The following DLG2 variants were observed in gnomAD, a reference collection of about 807,000 sequenced individuals.
DLG2 encodes disks large homolog 2.
DLG2 carries 45 observed loss-of-function variants against 132.5 expected under a neutral mutation model. That is an observed-to-expected ratio of 0.34 (90% CI 0.27 to 0.44). DLG2 has a LOEUF of 0.44. Among genes scored for constraint, DLG2 ranks in the 20% least tolerant of loss-of-function variants. The pLI, the probability that DLG2 is intolerant of heterozygous loss-of-function variation, is 1.00. For missense variants in DLG2, 1,045 were observed against 1,196.9 expected (o/e 0.87, Z 1.87); for synonymous variants, 424 against 419.6 (o/e 1.01, Z -0.13).
intron 3 of DLG2, among the ~76,000 whole-genome samples, chr11:85,464,007 C>CACACACACAT (rs1555141444): frequency 4.2e-4 from 63 of 149,136 alleles, no homozygotes; most frequent in African/African-American, 1.5e-3. Flanking sequence ...CACACACATA[C>CACACACACAT]ACACACACAC....
chr11:84,981,668 T>C (rs1457859788), intron 6 of DLG2, among the ~76,000 whole-genome samples: 1 of 152,130 alleles, frequency 6.6e-6, no homozygotes, highest in Non-Finnish European at 1.5e-5. Flanking sequence ...CATTTTAACA[T>C]GTATAAGCCT....
At chr11:84,353,063 T>C (rs2098589569) in intron 7 of DLG2, among the ~76,000 whole-genome samples, 1 of 152,174 alleles carries the variant, frequency 6.6e-6, no homozygotes, top group Non-Finnish European at 1.5e-5. Context: ...ACTTTCAATA[T>C]ATTTTCTCTC....
intron 4 of DLG2, among the ~76,000 whole-genome samples, chr11:85,181,714 T>C (rs975103969): frequency 6.6e-6 from 1 of 151,856 alleles, no homozygotes; most frequent in Non-Finnish European, 1.5e-5. Flanking sequence ...GCACAGCCAC[T>C]TTCTACATGA....
At chr11:83,996,618 A>G (rs1186983596) in intron 11 of DLG2, among the ~76,000 whole-genome samples, 2 of 152,212 alleles carry the variant, frequency 1.3e-5, no homozygotes, top group South Asian at 2.1e-4. Context: ...CACATACACA[A>G]TGGAGAACTA....
At chr11:84,814,280 T>A (rs543288468) in intron 6 of DLG2, among the ~76,000 whole-genome samples, 1 of 152,072 alleles carries the variant, frequency 6.6e-6, no homozygotes, top group African/African-American at 2.4e-5. Context: ...GTGTAACTGG[T>A]ATGCAATGGA....
intron 6 of DLG2, among the ~76,000 whole-genome samples, chr11:85,008,880 A>G (rs1033850188): frequency 6.6e-5 from 10 of 152,106 alleles, no homozygotes; most frequent in African/African-American, 2.4e-4. Flanking sequence ...ATAATTATAG[A>G]GAGTAACATG....
At chr11:83,967,804 C>T (rs563430145) in intron 12 of DLG2, among the ~76,000 whole-genome samples, 1 of 152,120 alleles carries the variant, frequency 6.6e-6, no homozygotes, top group South Asian at 2.1e-4. Flanking sequence ...ATGACAAGGT[C>T]AAGGAAGCTT....
At chr11:83,889,236 C>T (rs2068911952) in intron 15 of DLG2, among the ~76,000 whole-genome samples, 1 of 151,890 alleles carries the variant, frequency 6.6e-6, no homozygotes. Context: ...CCAGAATCTA[C>T]AATGAACTCA....
chr11:85,420,299 T>A (rs992018979), intron 3 of DLG2, among the ~76,000 whole-genome samples: 2 of 152,160 alleles, frequency 1.3e-5, no homozygotes, highest in African/African-American at 2.4e-5. Flanking sequence ...TGTTCCTTCC[T>A]CTGGAAGCTT....
At chr11:84,713,551 G>C (rs1314732154) in intron 6 of DLG2, among the ~76,000 whole-genome samples, 10 of 152,056 alleles carry the variant, frequency 6.6e-5, no homozygotes, top group Non-Finnish European at 1.3e-4. Context: ...AAGCAATATA[G>C]TCGTGAGACT....
intron 9 of DLG2, among the ~76,000 whole-genome samples, chr11:84,152,559 T>G (rs1003952209): frequency 6.6e-6 from 1 of 152,040 alleles, no homozygotes; most frequent in Non-Finnish European, 1.5e-5. Flanking sequence ...GCTAATTTTT[T>G]GTATTTTTAG....
chr11:85,039,003 T>C (rs2061631629), intron 6 of DLG2, among the ~76,000 whole-genome samples: 1 of 151,942 alleles, frequency 6.6e-6, no homozygotes, highest in African/African-American at 2.4e-5. Flanking sequence ...TAAGAATAGG[T>C]ATATATTTAC....
chr11:84,021,695 C>T (rs973984245), intron 11 of DLG2, among the ~76,000 whole-genome samples: 5 of 151,892 alleles, frequency 3.3e-5, no homozygotes, highest in African/African-American at 9.7e-5. Context: ...TACATATTAG[C>T]GAATTTTTTA....
At chr11:85,503,366 T>G (rs1371111333) in intron 3 of DLG2, among the ~76,000 whole-genome samples, 1 of 152,098 alleles carries the variant, frequency 6.6e-6, no homozygotes, top group East Asian at 1.9e-4. Flanking sequence ...TTGATCTGAG[T>G]CACTATATTC....
intron 3 of DLG2, among the ~76,000 whole-genome samples, chr11:85,406,835 G>C (rs903821561): frequency 6.6e-6 from 1 of 151,834 alleles, no homozygotes; most frequent in Non-Finnish European, 1.5e-5. Flanking sequence ...ATAAAAGATG[G>C]TGCTAAGAAC....
intron 18 of DLG2, among the ~76,000 whole-genome samples, chr11:83,732,849 C>G (rs192294177): frequency 1.3e-5 from 2 of 152,168 alleles, no homozygotes; most frequent in Admixed American, 6.6e-5. Context: ...GAAACACTTT[C>G]GCTGAGGTAG....
chr11:83,839,048 GT>G (rs951830767), intron 16 of DLG2, among the ~76,000 whole-genome samples: 1 of 152,156 alleles, frequency 6.6e-6, no homozygotes, highest in Non-Finnish European at 1.5e-5. Flanking sequence ...ACCCATTTAT[GT>G]TACCCATCTG....
At chr11:83,503,372 TATATATATATATATATATATATATA>T (rs2094534291) in intron 21 of DLG2, among the ~76,000 whole-genome samples, 4 of 2,630 alleles carry the variant, frequency 1.5e-3, no homozygotes, top group Non-Finnish European at 3.4e-3. Context: ...CACCCATTTA[TATATATATATATATATATATATATA>T]TATATATATA....
At chr11:83,602,220 C>T (rs868813264) in intron 19 of DLG2, among the ~76,000 whole-genome samples, 3 of 152,176 alleles carry the variant, frequency 2.0e-5, no homozygotes, top group Non-Finnish European at 4.4e-5. Context: ...TCATTGCAGT[C>T]AATTATTTAA....
Sources: gnomAD v4.1 joint callset for allele counts (sites outside exome capture counted in the v4.1 genomes callset) on GRCh38, gnomAD v4.1.1 for gene constraint, MANE v1.5 for transcripts, NCBI Gene and HGNC (gene_info 2026-07-23, HGNC 2026-07-21) for gene names.